The following FOXP1 variants were observed in gnomAD, a reference collection of about 807,000 sequenced individuals.
The protein encoded by FOXP1 is forkhead box P1.
Under a neutral mutation model 98.2 loss-of-function variants are expected in FOXP1, and 15 were observed. The observed-to-expected ratio is 0.15, with a 90% CI of 0.10 to 0.24. FOXP1 has a LOEUF of 0.24. Ranked by LOEUF, FOXP1 falls within the 10% of genes least tolerant of loss-of-function variation. The pLI is 1.00. For missense variants in FOXP1, 633 were observed against 848.5 expected (o/e 0.75, Z 3.15); for synonymous variants, 371 against 314.5 (o/e 1.18, Z -1.90).
At position 71,053,767 on chromosome 3, in the gene FOXP1, C is replaced by T. The variant is rs148369068; in HGVS notation, c.289G>A (p.Val97Met). 9 of 1,613,790 alleles carry T rather than the reference C, an allele frequency of 5.6e-6. No homozygotes were observed. Among genetic ancestry groups the T allele is most frequent in the East Asian group, 2.2e-5 (1 of 44,870 alleles). The change falls in exon 8 of 21, where the codon GTG becomes ATG. Residue 97 changes from valine (V) to methionine (M), a missense_variant. Transcript: ENST00000649528. ...TGAGGTGTCATCATAGCCACTGACA[C>T]GGGAACCTAGAATGTTAATGAAGGA... The part of the protein sequence containing the change: ...NDKQPALQVP[V>M]SVAMMTPQVI...
intron 6 of FOXP1, among the ~76,000 whole-genome samples, chr3:71,122,494 TTGTATC>T (rs201702630): frequency 2.0e-5 from 3 of 152,302 alleles, no homozygotes; most frequent in East Asian, 1.9e-4. Context: ...ATAGCTAAGA[TTGTATC>T]TGTATAACAA....
At chr3:71,126,866 A>C (rs2059228546) in intron 6 of FOXP1, among the ~76,000 whole-genome samples, 1 of 126,922 alleles carries the variant, frequency 7.9e-6, no homozygotes, top group African/African-American at 2.8e-5. Context: ...AAAAAAAAAA[A>C]CAAACAAAAA....
chr3:71,464,200 C>T (rs1246917819), intron 3 of FOXP1, among the ~76,000 whole-genome samples: 2 of 152,098 alleles, frequency 1.3e-5, no homozygotes, highest in East Asian at 3.9e-4. Context: ...CAACTGAGCC[C>T]GGGAGACGGA....
intron 3 of FOXP1, among the ~76,000 whole-genome samples, chr3:71,476,108 G>C (rs1349980440): frequency 1.3e-5 from 2 of 152,164 alleles, no homozygotes; most frequent in East Asian, 3.9e-4. Context: ...AGTGTGTTAA[G>C]TGACTCTTCA....
intron 2 of FOXP1, among the ~76,000 whole-genome samples, chr3:71,542,448 G>A (rs1226648981): frequency 1.3e-5 from 2 of 152,236 alleles, no homozygotes; most frequent in East Asian, 3.8e-4. Context: ...TTTTATAGCT[G>A]CTATCTTGAT....
chr3:71,019,897 A>T (rs774979521), intron 11 of FOXP1, among the ~76,000 whole-genome samples: 1 of 152,110 alleles, frequency 6.6e-6, no homozygotes, highest in Non-Finnish European at 1.5e-5. Context: ...GGGCTTGATG[A>T]ATGTTAGGTG....
intron 7 of FOXP1, among the ~76,000 whole-genome samples, chr3:71,058,685 C>T (rs1470173989): frequency 1.3e-5 from 2 of 151,040 alleles, no homozygotes; most frequent in South Asian, 2.1e-4. Context: ...AACATCATCA[C>T]CTCTGGCCCC....
At chr3:71,270,944 C>A (rs1452580880) in intron 5 of FOXP1, among the ~76,000 whole-genome samples, 1 of 152,252 alleles carries the variant, frequency 6.6e-6, no homozygotes, top group Admixed American at 6.5e-5. Flanking sequence ...TTAAAGAATA[C>A]TTCTAGCTGG....
At chr3:71,109,868 C>G (rs1277367706) in intron 7 of FOXP1, among the ~76,000 whole-genome samples, 1 of 152,082 alleles carries the variant, frequency 6.6e-6, no homozygotes, top group Non-Finnish European at 1.5e-5. Context: ...CACCAGTCCA[C>G]CAACCTTTTA....
rs568237172 is a variant in FOXP1, at chr3:71,291,252, C to T, written c.-12+8568G>A. Among the ~76,000 whole-genome samples, 16 of 152,254 alleles carry T rather than the reference C, an allele frequency of 1.1e-4. No homozygotes were observed. The South Asian group carries it at 1.7e-3, about 16-fold the overall frequency. On this transcript the variant is annotated intron_variant, in intron 5 of 20. Coordinates refer to ENST00000649528, the MANE Select transcript of FOXP1 (RefSeq NM_001349338.3). ...ATGGCTGCCACATAAGTAACTGTGA[C>T]GCTTTTCAGAAGTAACAAGAAACAG...
chr3:71,438,742 G>GAAAAAAA (rs766986643), intron 3 of FOXP1, among the ~76,000 whole-genome samples: 2 of 125,880 alleles, frequency 1.6e-5, no homozygotes, highest in African/African-American at 5.7e-5. Context: ...CTAATTTGGA[G>GAAAAAAA]AAAAAAAAAA....
At chr3:71,105,469 T>C (rs559788167) in intron 7 of FOXP1, among the ~76,000 whole-genome samples, 2 of 152,208 alleles carry the variant, frequency 1.3e-5, no homozygotes, top group East Asian at 3.8e-4. Context: ...ATAATGGTAA[T>C]TAGCGAGGTG....
chr3:71,057,981 ACTCT>A (rs1170571677), intron 7 of FOXP1, among the ~76,000 whole-genome samples: 1 of 152,040 alleles, frequency 6.6e-6, no homozygotes, highest in Non-Finnish European at 1.5e-5. Flanking sequence ...CTTCAAAATG[ACTCT>A]CTATCATCTG....
At chr3:71,173,876 G>A (rs984756791) in intron 6 of FOXP1, among the ~76,000 whole-genome samples, 21 of 152,184 alleles carry the variant, frequency 1.4e-4, no homozygotes, top group African/African-American at 4.8e-4. Flanking sequence ...CAACCATGGT[G>A]GGAAGGATGA....
chr3:71,578,493 T>C (rs2047899562), intron 2 of FOXP1, among the ~76,000 whole-genome samples: 1 of 152,220 alleles, frequency 6.6e-6, no homozygotes, highest in African/African-American at 2.4e-5. Context: ...CTTGTCTAAA[T>C]ATACATACTT....
intron 5 of FOXP1, among the ~76,000 whole-genome samples, chr3:71,267,124 A>AGAGCGTGTGTGTGT (rs142661368): frequency 6.7e-6 from 1 of 148,298 alleles, no homozygotes; most frequent in Non-Finnish European, 1.5e-5. Flanking sequence ...TATGGGAGAG[A>AGAGCGTGTGTGTGT]GTGTGTGTGT....
intron 11 of FOXP1, 98 bp downstream of exon 11, chr3:71,041,230 G>C (rs959119230): frequency 2.2e-6 from 2 of 928,230 alleles, no homozygotes; most frequent in Non-Finnish European, 3.6e-6. Context: ...CAAGTCACAT[G>C]GATCCAATTA....
chr3:71,238,640 T>C (rs1395110963), intron 5 of FOXP1, among the ~76,000 whole-genome samples: 2 of 152,246 alleles, frequency 1.3e-5, no homozygotes, highest in East Asian at 3.8e-4. Context: ...GGTAAGATTC[T>C]ATGACATTAA....
intron 7 of FOXP1, chr3:71,064,802 A>C (rs2052156254): frequency 1.0e-6 from 1 of 984,676 alleles, no homozygotes; most frequent in Non-Finnish European, 1.2e-6. Flanking sequence ...GAAACCGGCA[A>C]AGATCAATCA....
Sources: gnomAD v4.1 joint callset for allele counts (sites outside exome capture counted in the v4.1 genomes callset) on GRCh38, gnomAD v4.1.1 for gene constraint, MANE v1.5 for transcripts, NCBI Gene and HGNC (gene_info 2026-07-23, HGNC 2026-07-21) for gene names.